Variants in SCIN observed in about 807,000 individuals in gnomAD.
SCIN encodes the protein scinderin, also known as adseverin.
A neutral mutation model predicts 91.8 loss-of-function variants in SCIN; 91 were observed. That is an observed-to-expected ratio of 0.99 (90% CI 0.84 to 1.18). SCIN has a LOEUF of 1.18. Among genes scored for constraint, SCIN ranks in the 50% most tolerant of loss-of-function variants. The pLI is 0.00. For missense variants in SCIN, 1,087 were observed against 863.9 expected (o/e 1.26, Z -3.24); for synonymous variants, 367 against 312.6 (o/e 1.17, Z -1.84).
At chr7:12,649,752 C>T (rs1305768778) in intron 14 of SCIN, among the ~76,000 whole-genome samples, 1 of 152,186 alleles carries the variant, frequency 6.6e-6, no homozygotes, top group Non-Finnish European at 1.5e-5. Context: ...GAGCTACCAT[C>T]TTTGGCTTTA....
Position 12,652,669 on chromosome 7 carries a change from C to G in SCIN, c.2102C>G (p.Pro701Arg). The G allele has an allele frequency of 6.2e-7, 1 of 1,607,518 alleles. No individual in the cohort carries two copies. Among genetic ancestry groups the G allele is most frequent in the Non-Finnish European group, 8.5e-7 (1 of 1,177,980 alleles). ...ATCATAAAACAGGGCCATGAGCCAC[C>G]CACATTCACAGGCTGGTTCCTGGGC... ...IVIIKQGHEP[P>R]TFTGWFLGWD... The change falls in exon 16 of 16, where the codon CCC (proline) becomes CGC (arginine). Residue 701 changes from proline (P) to arginine (R), a missense_variant. Transcript: ENST00000297029.
chr7:12,643,611 C>A (rs576871904), intron 11 of SCIN, among the ~76,000 whole-genome samples: 1 of 152,308 alleles, frequency 6.6e-6, no homozygotes, highest in South Asian at 2.1e-4. Flanking sequence ...AGGCTCCTGA[C>A]AAACCTGGTG....
rs373107025 is a variant in SCIN at position 12,631,217 on chromosome 7, T to C, written c.1319+1995T>C. ...TTCTTGTATCATTTGAAAGTGTTTA[T>C]TGAGCACTTTATGTGCCAAGCATTG... On this transcript the variant is annotated intron_variant, in intron 9 of 15. Transcript: ENST00000297029. 2.6e-5 allele frequency among the ~76,000 whole-genome samples: 4 copies of C among 152,222 alleles called. No homozygotes were observed. In the East Asian group the frequency reaches 5.8e-4, roughly 22 times the overall value.
chr7:12,643,675 G>A (rs905661578), intron 11 of SCIN, among the ~76,000 whole-genome samples: 4 of 152,242 alleles, frequency 2.6e-5, no homozygotes, highest in Non-Finnish European at 5.9e-5. Context: ...CAGTGTGGTT[G>A]GCCAAGCAGC....
At chr7:12,633,369 A>G (rs1783683944) in intron 9 of SCIN, among the ~76,000 whole-genome samples, 1 of 152,236 alleles carries the variant, frequency 6.6e-6, no homozygotes, top group Non-Finnish European at 1.5e-5. Flanking sequence ...AGGTTTATAA[A>G]GAAAAAATAT....
intron 6 of SCIN, 88 bp from the exon 7 acceptor site, chr7:12,625,674 A>G: frequency 1.0e-6 from 1 of 968,832 alleles, no homozygotes; most frequent in East Asian, 2.6e-5. Flanking sequence ...AATTATAATC[A>G]TGTTTATTAT....
At chr7:12,612,403 T>G (rs1260676655) in intron 4 of SCIN, among the ~76,000 whole-genome samples, 5 of 152,220 alleles carry the variant, frequency 3.3e-5, no homozygotes, top group Admixed American at 3.3e-4. Flanking sequence ...GAGGCTACAC[T>G]GCATATAGAG....
intron 9 of SCIN, among the ~76,000 whole-genome samples, chr7:12,635,611 C>CAAAAAAA (rs59324421): frequency 0.017 from 102 of 5,854 alleles, 25 homozygotes; most frequent in East Asian, 0.061. Flanking sequence ...GACTCCGTCT[C>CAAAAAAA]AAAAAAAAAA....
intron 3 of SCIN, among the ~76,000 whole-genome samples, chr7:12,599,034 G>C (rs1007566634): frequency 5.3e-5 from 8 of 152,054 alleles, no homozygotes; most frequent in Admixed American, 6.5e-5. Context: ...ATCAACCATT[G>C]AAAAGTAAGT....
chr7:12,577,873 A>G lies in SCIN; in HGVS notation c.200-191A>G, dbSNP rs1782408203. 3 of 549,376 alleles carry G rather than the reference A, an allele frequency of 5.5e-6. No individual in the cohort carries two copies. The Admixed American group carries it at 1.1e-4, about 20-fold the overall frequency. 34.0% of individuals were successfully genotyped at this position (549,376 alleles called of 1,614,324 possible). On this transcript the variant is annotated intron_variant, in intron 1 of 15. Coordinates refer to ENST00000297029, the MANE Select transcript of SCIN (RefSeq NM_001112706.3). ...CCTCTCTCAAAAAAAAAAAAAATAG[A>G]CTAAAAAAATTGTTAATTATTAGCA...
At chr7:12,607,313 ACTT>A (rs1783098245) in intron 4 of SCIN, among the ~76,000 whole-genome samples, 1 of 152,192 alleles carries the variant, frequency 6.6e-6, no homozygotes, top group South Asian at 2.1e-4. Flanking sequence ...CTCATTTGCC[ACTT>A]GTAGTCTGTT....
At chr7:12,626,901 C>T in intron 8 of SCIN, 102 bp downstream of exon 8, 1 of 1,037,406 alleles carries the variant, frequency 9.6e-7, no homozygotes, top group Non-Finnish European at 1.4e-6. Context: ...ATCAGCCTGG[C>T]CAACATGGTG....
intron 7 of SCIN, chr7:12,626,234 T>G (rs1783519140): frequency 3.2e-6 from 1 of 317,098 alleles, no homozygotes; most frequent in Non-Finnish European, 5.7e-6. Flanking sequence ...GTTACTCCTT[T>G]CCTTTCCGAA....
At chr7:12,614,051 T>C (rs1783249454) in intron 4 of SCIN, among the ~76,000 whole-genome samples, 2 of 152,210 alleles carry the variant, frequency 1.3e-5, no homozygotes, top group African/African-American at 2.4e-5. Context: ...CGATGTCTGA[T>C]AGAGTGCATG....
At chr7:12,592,203 T>C (rs531216716) in intron 3 of SCIN, among the ~76,000 whole-genome samples, 1 of 151,726 alleles carries the variant, frequency 6.6e-6, no homozygotes, top group African/African-American at 2.4e-5. Flanking sequence ...TCAATTGCAG[T>C]GTAGAGGGTG....
chr7:12,631,600 C>A (rs1311932621), intron 9 of SCIN, among the ~76,000 whole-genome samples: 1 of 152,112 alleles, frequency 6.6e-6, no homozygotes, highest in Non-Finnish European at 1.5e-5. Flanking sequence ...GAGAAAGAAG[C>A]CTGAGCTGGC....
chr7:12,624,926 T>C (rs1783480887), intron 5 of SCIN, 84 bp from the exon 6 acceptor site: 1 of 1,343,934 alleles, frequency 7.4e-7, no homozygotes, highest in Admixed American at 2.6e-5. Context: ...ATTTACCGAG[T>C]TGTACAACCA....
chr7:12,604,223 TATTA>T (rs1397315956), intron 3 of SCIN, among the ~76,000 whole-genome samples: 3 of 152,144 alleles, frequency 2.0e-5, no homozygotes, highest in African/African-American at 7.2e-5. Flanking sequence ...GTGGTATATT[TATTA>T]TTTCAAATTT....
At chr7:12,588,540 G>A (rs1375386846) in intron 3 of SCIN, among the ~76,000 whole-genome samples, 2 of 152,062 alleles carry the variant, frequency 1.3e-5, no homozygotes, top group African/African-American at 4.8e-5. Context: ...AAAGGAGGCA[G>A]CCCTGAGCTT....
Sources: allele counts gnomAD v4.1 joint callset (sites outside exome capture counted in the v4.1 genomes callset), GRCh38; gene constraint gnomAD v4.1.1; transcripts MANE v1.5; gene names NCBI Gene and HGNC (gene_info 2026-07-23, HGNC 2026-07-21).